The following ELMO1 variants were observed in gnomAD, a reference collection of about 807,000 sequenced individuals.
The protein encoded by ELMO1 is engulfment and cell motility protein 1.
Under a neutral mutation model 98.9 loss-of-function variants are expected in ELMO1, and 26 were observed. That is an observed-to-expected ratio of 0.26 (90% confidence interval 0.19 to 0.36). ELMO1 has a LOEUF of 0.36. Among genes scored for constraint, ELMO1 ranks in the 10% least tolerant of loss-of-function variants. ELMO1 has a pLI of 1.00. For synonymous variants in ELMO1, 346 were observed against 346.0 expected, an observed-to-expected ratio of 1.00 and a Z score of 0.00; for missense variants, 627 against 935.2, an observed-to-expected ratio of 0.67 and a Z score of 4.30.
At chr7:37,199,202 T>C (rs972336041) in intron 13 of ELMO1, among the ~76,000 whole-genome samples, 3 of 152,204 alleles carry the variant, frequency 2.0e-5, no homozygotes, top group Non-Finnish European at 2.9e-5. Flanking sequence ...AGAAATTGTG[T>C]CTGGAGTTAA....
Position 37,389,776 on chromosome 7 carries a change from A to C in ELMO1, c.-73-47013T>G, listed in dbSNP as rs73348034. 3.0e-3 allele frequency among the ~76,000 whole-genome samples: 449 copies of C among 152,070 alleles called. 6 individuals are homozygous for C. The highest frequency in any genetic ancestry group is 0.01 in the Middle Eastern group (3 of 294). On this transcript the variant is annotated intron_variant, in intron 1 of 21. Transcript: ENST00000310758. ...GAGTGTAGGGGAACCAAATACTTCC[A>C]CCTCTACCTAGGGGTATGCGTAAAG...
intron 1 of ELMO1, among the ~76,000 whole-genome samples, chr7:37,403,048 A>T (rs1803600909): frequency 6.6e-6 from 1 of 152,248 alleles, no homozygotes; most frequent in Non-Finnish European, 1.5e-5. Context: ...AGCAACCGTG[A>T]TGTCCTTCCA....
chr7:36,937,206 G>A (rs978113573), intron 16 of ELMO1, among the ~76,000 whole-genome samples: 7 of 152,248 alleles, frequency 4.6e-5, no homozygotes, highest in African/African-American at 1.4e-4. Flanking sequence ...CATTGCAGAT[G>A]TAATTAGTTA....
intron 15 of ELMO1, among the ~76,000 whole-genome samples, chr7:37,041,817 C>G (rs1795525914): frequency 6.6e-6 from 1 of 151,996 alleles, no homozygotes; most frequent in Non-Finnish European, 1.5e-5. Context: ...GCGACGGCAC[C>G]CTTTCTCATT....
At chr7:37,410,681 A>G (rs1803958960) in intron 1 of ELMO1, among the ~76,000 whole-genome samples, 1 of 152,232 alleles carries the variant, frequency 6.6e-6, no homozygotes, top group Non-Finnish European at 1.5e-5. Context: ...CAAACAAGGG[A>G]AAACTAATAC....
At chr7:37,259,134 C>T (rs368947516) in intron 6 of ELMO1, 47 bp downstream of exon 6, 1 of 1,558,068 alleles carries the variant, frequency 6.4e-7, no homozygotes, top group Non-Finnish European at 8.7e-7. Flanking sequence ...ATTCAAAACG[C>T]GGAGACACGC....
At chr7:36,886,307 A>T (rs1364473442) in intron 18 of ELMO1, among the ~76,000 whole-genome samples, 1 of 152,176 alleles carries the variant, frequency 6.6e-6, no homozygotes, top group African/African-American at 2.4e-5. Context: ...CTGCATTTTC[A>T]TTCCTCCAGG....
At chr7:36,978,113 C>T (rs1790736408) in intron 16 of ELMO1, among the ~76,000 whole-genome samples, 1 of 152,156 alleles carries the variant, frequency 6.6e-6, no homozygotes, top group Non-Finnish European at 1.5e-5. Context: ...AAAATGTGAA[C>T]TTTGTCTCTT....
chr7:36,951,481 G>A (rs919056426), intron 16 of ELMO1, among the ~76,000 whole-genome samples: 67 of 152,116 alleles, frequency 4.4e-4, no homozygotes, highest in African/African-American at 1.5e-3. Context: ...TTCCCATCAC[G>A]TAGCCTTAAT....
chr7:37,233,529 G>A (rs1794297215), intron 7 of ELMO1, among the ~76,000 whole-genome samples: 1 of 152,106 alleles, frequency 6.6e-6, no homozygotes, highest in Non-Finnish European at 1.5e-5. Flanking sequence ...AAACTAGATG[G>A]TGATATCTAT....
Position 36,894,876 on chromosome 7 carries a change from C to A in ELMO1, c.1579G>T (p.Asp527Tyr). Reference sequence around the variant, plus strand: ...TACAAAATCGGGCGGGACTGGAAATCTTCCTGGTTCATCCTCTCGGACTGG... The same window carrying A: ...TACAAAATCGGGCGGGACTGGAAATATTCCTGGTTCATCCTCTCGGACTGG... Reference protein sequence around the residue: ...IRQSERMNQEDFQSRPILELK... With the variant: ...IRQSERMNQEYFQSRPILELK... The change falls in exon 17 of 22, where the codon GAT becomes TAT. Residue 527 changes from aspartate (D) to tyrosine (Y), a missense_variant. Transcript: ENST00000310758. 1 of 1,614,172 alleles carries A rather than the reference C, an allele frequency of 6.2e-7. No homozygotes were observed. The highest frequency in any genetic ancestry group is 2.2e-5 in the East Asian group (1 of 44,870).
chr7:37,248,604 A>G (rs1795148193), intron 6 of ELMO1, among the ~76,000 whole-genome samples: 3 of 152,376 alleles, frequency 2.0e-5, no homozygotes, highest in South Asian at 2.1e-4. Flanking sequence ...GCAGGCTCCA[A>G]GAAAACAGCA....
chr7:37,344,113 C>T (rs1800868328), intron 1 of ELMO1, among the ~76,000 whole-genome samples: 1 of 147,526 alleles, frequency 6.8e-6, no homozygotes, highest in Non-Finnish European at 1.5e-5. Context: ...CTCAAGGCAA[C>T]CTCCACCTCC....
intron 15 of ELMO1, among the ~76,000 whole-genome samples, chr7:37,032,471 C>T (rs534470015): frequency 1.2e-3 from 184 of 152,262 alleles, no homozygotes; most frequent in Admixed American, 4.6e-3. Context: ...GAGGGATGCT[C>T]GAAGGACATA....
chr7:37,049,149 A>G (rs1795962342), intron 15 of ELMO1, among the ~76,000 whole-genome samples: 2 of 152,160 alleles, frequency 1.3e-5, no homozygotes, highest in African/African-American at 4.8e-5. Flanking sequence ...TGTCTTGTTA[A>G]GGGATAAACA....
At chr7:37,390,155 C>T (rs1291274444) in intron 1 of ELMO1, among the ~76,000 whole-genome samples, 8 of 152,196 alleles carry the variant, frequency 5.3e-5, no homozygotes, top group African/African-American at 1.2e-4. Context: ...AAAACACAAA[C>T]GGTAACTGGA....
intron 15 of ELMO1, among the ~76,000 whole-genome samples, chr7:37,041,889 A>C (rs1381156980): frequency 6.6e-6 from 1 of 152,206 alleles, no homozygotes; most frequent in Non-Finnish European, 1.5e-5. Context: ...TTGATGAAAC[A>C]CTTGTCGCTA....
chr7:37,184,343 G>A (rs1431411691), intron 13 of ELMO1, among the ~76,000 whole-genome samples: 14 of 152,122 alleles, frequency 9.2e-5, no homozygotes, highest in Admixed American at 4.6e-4. Context: ...CTTTGAGTAG[G>A]CTCCATGCAT....
chr7:37,030,664 C>T (rs1416183790), intron 15 of ELMO1, among the ~76,000 whole-genome samples: 1 of 152,160 alleles, frequency 6.6e-6, no homozygotes, highest in African/African-American at 2.4e-5. Flanking sequence ...AGAAGAGATA[C>T]CTGGATAATT....
Sources: allele counts gnomAD v4.1 joint callset (sites outside exome capture counted in the v4.1 genomes callset), GRCh38; gene constraint gnomAD v4.1.1; transcripts MANE v1.5; gene names NCBI Gene and HGNC (gene_info 2026-07-23, HGNC 2026-07-21).